DOCK1: variants seen among roughly 807,000 people sequenced by gnomAD.
The protein encoded by DOCK1 is dedicator of cytokinesis protein 1.
Under a neutral mutation model 262.7 loss-of-function variants are expected in DOCK1, and 138 were observed. The ratio of observed to expected loss-of-function variants is 0.53; its 90% CI spans 0.46 to 0.61. The LOEUF is 0.61. Among genes scored for constraint, DOCK1 ranks in the 20% least tolerant of loss-of-function variants. The pLI is 0.00. For synonymous variants in DOCK1, 866 were observed against 867.4 expected, an observed-to-expected ratio of 1.00 and a Z score of 0.03; for missense variants, 1,908 against 2,370.7, an observed-to-expected ratio of 0.80 and a Z score of 4.05.
chr10:127,221,016 G>A (rs2058416928), intron 27 of DOCK1, among the ~76,000 whole-genome samples: 1 of 152,144 alleles, frequency 6.6e-6, no homozygotes, highest in Non-Finnish European at 1.5e-5. Flanking sequence ...GTTGCTAAGA[G>A]TCACGGTATT....
In DOCK1 at chr10:127,373,780, G is replaced by C; in HGVS notation, c.3433-1G>C. On this transcript the variant is annotated splice_acceptor_variant, in intron 33 of 51. Transcript: ENST00000623213. LOFTEE classifies it high-confidence loss of function. Reference sequence around the variant, plus strand: ...TTTACGCTTCCTCTGTTTAATTATAGTTTGAAAATGAGATCATCACCAAGC... The same window carrying C: ...TTTACGCTTCCTCTGTTTAATTATACTTTGAAAATGAGATCATCACCAAGC... The C allele has an allele frequency of 1.9e-6, 3 of 1,607,160 alleles. No individual in the cohort carries two copies. Among genetic ancestry groups the C allele is most frequent in the Non-Finnish European group, 8.5e-7 (1 of 1,176,534 alleles).
At chr10:127,274,677 T>G (rs947036759) in intron 29 of DOCK1, among the ~76,000 whole-genome samples, 1 of 152,034 alleles carries the variant, frequency 6.6e-6, no homozygotes. Context: ...GAGCCAAAAG[T>G]GATTGGTGGA....
chr10:127,426,093 A>G (rs2068796504), intron 47 of DOCK1, 82 bp downstream of exon 47: 2 of 1,593,938 alleles, frequency 1.3e-6, no homozygotes, highest in South Asian at 1.1e-5. Context: ...CTTCCAGAGC[A>G]GAGGAACTCA....
At chr10:126,974,151 G>T (rs1364570094) in intron 2 of DOCK1, among the ~76,000 whole-genome samples, 1 of 152,070 alleles carries the variant, frequency 6.6e-6, no homozygotes, top group African/African-American at 2.4e-5. Context: ...GAGAGGTGAG[G>T]CCAGGCCCCA....
At chr10:126,999,009 GT>G (rs1233610900) in intron 8 of DOCK1, among the ~76,000 whole-genome samples, 1 of 151,722 alleles carries the variant, frequency 6.6e-6, no homozygotes, top group African/African-American at 2.4e-5. Context: ...AATGTATTTG[GT>G]TTGTCATAGG....
At chr10:126,908,670 T>TG (rs2031304240) in intron 1 of DOCK1, among the ~76,000 whole-genome samples, 2 of 152,214 alleles carry the variant, frequency 1.3e-5, no homozygotes, top group African/African-American at 4.8e-5. Flanking sequence ...TTCATTCCAC[T>TG]GGGGGCTGCC....
intron 29 of DOCK1, among the ~76,000 whole-genome samples, chr10:127,258,197 A>G (rs12772822): frequency 0.06 from 9,131 of 152,230 alleles, 430 homozygotes; most frequent in Admixed American, 0.13. Context: ...CAGCACATGC[A>G]TATACTGTGG....
chr10:127,233,500 A>G (rs530427583), intron 27 of DOCK1, among the ~76,000 whole-genome samples: 35 of 152,296 alleles, frequency 2.3e-4, no homozygotes, highest in Middle Eastern at 3.4e-3. Context: ...AACATCTACA[A>G]TGTATACTTG....
chr10:126,979,736 A>G (rs1024278796), intron 3 of DOCK1, among the ~76,000 whole-genome samples: 4 of 152,216 alleles, frequency 2.6e-5, no homozygotes, highest in African/African-American at 7.2e-5. Context: ...TGGTAGATGA[A>G]TAAATCCAAG....
At chr10:127,042,755 G>C in intron 20 of DOCK1, 41 bp downstream of exon 20, 1 of 1,590,542 alleles carries the variant, frequency 6.3e-7, no homozygotes, top group Non-Finnish European at 8.6e-7. Context: ...ATAACACAGC[G>C]TTCTTCCATG....
chr10:127,004,271 C>G (rs1276327553), intron 10 of DOCK1, among the ~76,000 whole-genome samples: 1 of 150,818 alleles, frequency 6.6e-6, no homozygotes, highest in East Asian at 2.0e-4. Context: ...CAAAACAAAA[C>G]AAAACAAAAG....
At chr10:127,296,521 A>C (rs759447121) in intron 29 of DOCK1, among the ~76,000 whole-genome samples, 5 of 152,204 alleles carry the variant, frequency 3.3e-5, no homozygotes, top group African/African-American at 7.2e-5. Flanking sequence ...TGCCGTGTGG[A>C]GTGACGGTCA....
chr10:127,222,885 C>T (rs1227999759), intron 27 of DOCK1, among the ~76,000 whole-genome samples: 2 of 152,084 alleles, frequency 1.3e-5, no homozygotes, highest in Admixed American at 6.6e-5. Flanking sequence ...CTGTGTTGCC[C>T]AGACTGGTCT....
In DOCK1 at chr10:127,041,405, A is replaced by G. The variant is rs566612024; in HGVS notation, c.2011-1220A>G. ...GAGCCACTGCACCTGGCCTGCTTTT[A>G]TGCCTTTTTATGGCCGATAACATTC... On this transcript the variant is annotated intron_variant, in intron 19 of 51. Coordinates refer to ENST00000623213, the MANE Select transcript of DOCK1 (RefSeq NM_001290223.2). 3.3e-5 allele frequency among the ~76,000 whole-genome samples: 5 copies of G among 152,244 alleles called. No homozygotes were observed. The East Asian group carries it at 7.7e-4, about 24-fold the overall frequency.
intron 1 of DOCK1, among the ~76,000 whole-genome samples, chr10:126,956,720 A>C (rs1474494688): frequency 6.6e-6 from 1 of 152,150 alleles, no homozygotes; most frequent in Non-Finnish European, 1.5e-5. Flanking sequence ...CTCCCATTTC[A>C]TGGAGGGAGA....
At chr10:127,334,638 T>C (rs1301499680) in intron 29 of DOCK1, among the ~76,000 whole-genome samples, 1 of 152,250 alleles carries the variant, frequency 6.6e-6, no homozygotes, top group Non-Finnish European at 1.5e-5. Context: ...ATAATTTGCC[T>C]GTGATTCTTT....
chr10:127,439,454 G>A (rs72843733), intron 49 of DOCK1, among the ~76,000 whole-genome samples: 9,044 of 152,284 alleles, frequency 0.059, 341 homozygotes, highest in Non-Finnish European at 0.089. Flanking sequence ...TCCCCCTTCC[G>A]CAGGGCCTGG....
chr10:127,385,413 G>A (rs910450456), intron 38 of DOCK1, among the ~76,000 whole-genome samples: 1 of 147,352 alleles, frequency 6.8e-6, no homozygotes, highest in African/African-American at 2.5e-5. Flanking sequence ...TTCTGATTAA[G>A]GTATGCAGTA....
At chr10:127,421,106 A>G (rs982027461) in intron 46 of DOCK1, among the ~76,000 whole-genome samples, 1 of 151,758 alleles carries the variant, frequency 6.6e-6, no homozygotes, top group East Asian at 2.0e-4. Context: ...TGTAATGGAG[A>G]TGGGGTTTTG....
Sources: allele counts gnomAD v4.1 joint callset (sites outside exome capture counted in the v4.1 genomes callset), GRCh38; gene constraint gnomAD v4.1.1; transcripts MANE v1.5; gene names NCBI Gene and HGNC (gene_info 2026-07-23, HGNC 2026-07-21).